Variants in GAB3 observed in about 807,000 individuals in gnomAD.
GAB3 encodes the protein GRB2 associated binding protein 3.
In GAB3, 12 loss-of-function variants were observed where a neutral mutation model predicts 40.4. The observed-to-expected ratio is 0.30, with a 90% CI of 0.19 to 0.48. The LOEUF is 0.48. GAB3 is among the 20% of genes least tolerant of loss of function. The probability of loss-of-function intolerance (pLI) is 0.99; values close to 1 mark genes in which losing one functional copy is unlikely to be tolerated. For synonymous variants in GAB3, 154 were observed against 176.7 expected, an observed-to-expected ratio of 0.87 and a Z score of 1.02; for missense variants, 381 against 461.9, an observed-to-expected ratio of 0.82 and a Z score of 1.61.
intron 1 of GAB3, among the ~76,000 whole-genome samples, chrX:154,722,777 G>A (rs1174961483): frequency 3.6e-5 from 4 of 112,174 alleles, no homozygotes; most frequent in Non-Finnish European, 5.6e-5. Flanking sequence ...GAAGAAGGAG[G>A]TTATGATCGA....
At chrX:154,695,680 G>A (rs2070645292) in intron 8 of GAB3, among the ~76,000 whole-genome samples, 1 of 112,567 alleles carries the variant, frequency 8.9e-6, no homozygotes, top group South Asian at 3.6e-4. Context: ...TCAGCCCTGA[G>A]CTATCTTGAA....
chrX:154,721,417 C>T lies in GAB3; in HGVS notation c.73-5088G>A, dbSNP rs888387253. 1.8e-4 allele frequency among the ~76,000 whole-genome samples: 20 copies of T among 112,246 alleles called. No individual in the cohort carries two copies. The Admixed American group carries it at 1.9e-3, about 11-fold the overall frequency. ...TGCTGTGTCACCCCATAGCAGAAGG[C>T]AGAAGGGCAAGCGAGTGCACGCAAG... On this transcript the variant is annotated intron_variant, in intron 1 of 9. Transcript: ENST00000424127.
At position 154,716,332 on chromosome X, in the gene GAB3, G is replaced by A; in HGVS notation, c.73-3C>T. On this transcript the variant is annotated splice_polypyrimidine_tract_variant and splice_region_variant and intron_variant, in intron 1 of 9. Transcript: ENST00000424127. ...ACAAACCAGCGCTTGCGCCAGGCCT[G>A]CAGAAAGGCAATTCAATAAGGAGTT... 2.5e-6 allele frequency: 3 copies of A among 1,201,171 alleles called. No individual in the cohort carries two copies. Among genetic ancestry groups the A allele is most frequent in the Non-Finnish European group, 3.4e-6 (3 of 890,032 alleles).
At chrX:154,751,544 G>C (rs1350752452), upstream of GAB3, 12 of 732,696 alleles carry the variant, frequency 1.6e-5, no homozygotes, top group African/African-American at 2.6e-4. Flanking sequence ...GACTCCTCTT[G>C]GACTTCCCTA....
Position 154,744,738 on chromosome X carries a change from T to C in GAB3, c.72+6216A>G, listed in dbSNP as rs782098590. On this transcript the variant is annotated intron_variant, in intron 1 of 9. Coordinates refer to ENST00000424127, the MANE Select transcript of GAB3 (RefSeq NM_001081573.3). ...CTTTACCCAATGACAGAAGAATACA[T>C]ATTTTTTCAAGTGCTTATGTACATG... Among the ~76,000 whole-genome samples the C allele has an allele frequency of 3.6e-5, 4 of 112,508 alleles. No individual in the cohort carries two copies. The East Asian group carries it at 1.1e-3, about 31-fold the overall frequency.
At chrX:154,710,107 CATA>C (rs2070909993) in intron 4 of GAB3, among the ~76,000 whole-genome samples, 2 of 112,350 alleles carry the variant, frequency 1.8e-5, no homozygotes, top group South Asian at 7.6e-4. Flanking sequence ...TGTTCTGATG[CATA>C]TGCATTCACA....
chrX:154,751,494 G>C, upstream of GAB3: 1 of 751,303 alleles, frequency 1.3e-6, no homozygotes, highest in Non-Finnish European at 1.6e-6. Context: ...AGTACCACCT[G>C]CATCTGCCAT....
chrX:154,681,930 C>A (rs994777329), intron 8 of GAB3, among the ~76,000 whole-genome samples: 1 of 111,694 alleles, frequency 9.0e-6, no homozygotes, highest in Admixed American at 9.5e-5. Context: ...CAAAGTTCCT[C>A]AAAAATCTCT....
intron 4 of GAB3, among the ~76,000 whole-genome samples, chrX:154,707,850 C>G (rs1179738765): frequency 9.0e-6 from 1 of 111,465 alleles, no homozygotes; most frequent in Non-Finnish European, 1.9e-5. Context: ...AATCAAAATC[C>G]AAAACTCAAT....
At chrX:154,704,711 G>A (rs950876755) in intron 4 of GAB3, among the ~76,000 whole-genome samples, 1 of 111,252 alleles carries the variant, frequency 9.0e-6, no homozygotes, top group Non-Finnish European at 1.9e-5. Flanking sequence ...AAGAAAAAGC[G>A]AAGAATGCTC....
rs1557251627 is a variant in GAB3, at chrX:154,699,455, A to C, written c.1184T>G (p.Val395Gly). ...TASASIEDSY[V>G]PMSPQAGASG... is the part of the protein sequence containing the mutation. Reference sequence around the variant, plus strand: ...GGCACCAGCCTGGGGGCTCATGGGCACATAGCTGTCTTCGATACTGGCTGA... The same window carrying C: ...GGCACCAGCCTGGGGGCTCATGGGCCCATAGCTGTCTTCGATACTGGCTGA... The change falls in exon 6 of 10, where the codon GTG becomes GGG. Residue 395 changes from valine (V) to glycine (G), a missense_variant. Val to Gly is a moderately radical substitution (Grantham distance 109, BLOSUM62 -3). This residue lies in a region of GAB3 where 364 missense variants were observed against 421.0 expected (regional missense o/e 0.86). Transcript: ENST00000424127. 2 of 1,210,280 alleles carry C rather than the reference A, an allele frequency of 1.7e-6. No homozygotes were observed. The highest frequency in any genetic ancestry group is 2.2e-6 in the Non-Finnish European group (2 of 895,254).
intron 1 of GAB3, among the ~76,000 whole-genome samples, chrX:154,725,975 A>G (rs1350583692): frequency 8.9e-6 from 1 of 111,979 alleles, no homozygotes; most frequent in East Asian, 2.8e-4. Flanking sequence ...ATTGCTGGCC[A>G]AAACAAAAAT....
chrX:154,709,568 C>A (rs1204393042), intron 4 of GAB3, among the ~76,000 whole-genome samples: 1 of 109,349 alleles, frequency 9.1e-6, no homozygotes, highest in Non-Finnish European at 1.9e-5. Flanking sequence ...TCTGCCCGCC[C>A]CCGCCTCCCA....
At chrX:154,740,379 A>G (rs2071418656) in intron 1 of GAB3, among the ~76,000 whole-genome samples, 1 of 112,544 alleles carries the variant, frequency 8.9e-6, no homozygotes, top group Non-Finnish European at 1.9e-5. Flanking sequence ...ATGTGCTTGT[A>G]TATGCATGGA....
intron 1 of GAB3, among the ~76,000 whole-genome samples, chrX:154,726,897 C>T (rs2071220240): frequency 9.0e-6 from 1 of 111,611 alleles, no homozygotes; most frequent in Non-Finnish European, 1.9e-5. Context: ...CATGCACCAC[C>T]CCTGCCCCAC....
At chrX:154,678,430 T>TTG (rs782127524) in intron 9 of GAB3, 136 bp from the exon 10 acceptor site, 1 of 449,592 alleles carries the variant, frequency 2.2e-6, no homozygotes, top group African/African-American at 2.5e-5. Context: ...GTATGTGTGC[T>TTG]TGTGTGTGTG....
At chrX:154,713,735 T>C (rs868961154) in intron 2 of GAB3, among the ~76,000 whole-genome samples, 2 of 31,917 alleles carry the variant, frequency 6.3e-5, no homozygotes, top group Non-Finnish European at 1.2e-4. Context: ...TTCACTCAAC[T>C]AACAAACATA....
chrX:154,722,757 T>C (rs2071153833), intron 1 of GAB3, among the ~76,000 whole-genome samples: 1 of 112,235 alleles, frequency 8.9e-6, no homozygotes, highest in Non-Finnish European at 1.9e-5. Context: ...ATGGTAGTTA[T>C]TTATGGGGAG....
Position 154,699,324 on chromosome X carries a change from C to T in GAB3, c.1315G>A (p.Val439Met), listed in dbSNP as rs2070705430. Residue 439 changes from valine (V) to methionine (M), a missense_variant, in exon 6 of 10, where the codon GTG (valine) becomes ATG (methionine). Physicochemically the swap from Val to Met is conservative, Grantham distance 21. Transcript: ENST00000424127. The part of the protein sequence containing the change: ...ELPANLEPPP[V>M]NRDLKPQRKS... ...CTCTGAGGCTTGAGATCTCTATTCACTGGGGGAGGTTCCAGGTTTGCAGGC... is the reference window on the plus strand; with the variant it reads ...CTCTGAGGCTTGAGATCTCTATTCATTGGGGGAGGTTCCAGGTTTGCAGGC... The T allele has an allele frequency of 8.3e-7, 1 of 1,208,526 alleles. No homozygotes were observed. Among genetic ancestry groups the T allele is most frequent in the Non-Finnish European group, 1.1e-6 (1 of 894,198 alleles).
Sources: gnomAD v4.1 joint callset for allele counts (sites outside exome capture counted in the v4.1 genomes callset) on GRCh38, gnomAD v4.1.1 for gene constraint, gnomAD v4.1.1 regional missense constraint, MANE v1.5 for transcripts, NCBI Gene and HGNC (gene_info 2026-07-23, HGNC 2026-07-21) for gene names.